PPP2R2C: variants seen among roughly 807,000 people sequenced by gnomAD.
PPP2R2C encodes the protein protein phosphatase 2, regulatory subunit B, gamma.
In PPP2R2C, 10 loss-of-function variants were observed where a neutral mutation model predicts 45.3. The observed-to-expected ratio is 0.22, with a 90% CI of 0.14 to 0.37. The LOEUF is 0.37. PPP2R2C is among the 10% of genes least tolerant of loss of function. PPP2R2C has a pLI of 1.00. For missense variants in PPP2R2C, 308 were observed against 619.7 expected (o/e 0.50, Z 5.34); for synonymous variants, 257 against 245.4 (o/e 1.05, Z -0.44).
At chr4:6,346,211 G>A (rs929649002) in intron 6 of PPP2R2C, among the ~76,000 whole-genome samples, 3 of 152,116 alleles carry the variant, frequency 2.0e-5, no homozygotes, top group African/African-American at 4.8e-5. Context: ...GACCCTCTGC[G>A]GCGTCTCCTC....
At chr4:6,512,437 A>G (rs1470615121) in intron 2 of PPP2R2C, among the ~76,000 whole-genome samples, 74 of 27,512 alleles carry the variant, frequency 2.7e-3, no homozygotes, top group Non-Finnish European at 3.1e-3. Flanking sequence ...GGTGGTGGTG[A>G]TGGTGGCGGT....
At chr4:6,495,868 C>T (rs1479127826) in intron 2 of PPP2R2C, among the ~76,000 whole-genome samples, 1 of 152,164 alleles carries the variant, frequency 6.6e-6, no homozygotes, top group Non-Finnish European at 1.5e-5. Flanking sequence ...GAAACATGTC[C>T]TCTCACAGTT....
At chr4:6,445,713 T>G (rs192495132) in intron 1 of PPP2R2C, among the ~76,000 whole-genome samples, 1 of 152,348 alleles carries the variant, frequency 6.6e-6, no homozygotes, top group Admixed American at 6.5e-5. Context: ...GGAGAGACCC[T>G]GTCTCTAAAT....
intron 1 of PPP2R2C, among the ~76,000 whole-genome samples, chr4:6,430,939 A>C (rs540228232): frequency 0.13 from 985 of 7,312 alleles, 4 homozygotes; most frequent in Non-Finnish European, 0.4. Context: ...AAACAACAAC[A>C]ACAACAAAAA....
At chr4:6,422,615 G>A (rs577070021) in intron 1 of PPP2R2C, among the ~76,000 whole-genome samples, 1 of 152,292 alleles carries the variant, frequency 6.6e-6, no homozygotes, top group African/African-American at 2.4e-5. Context: ...CTCCTGGCTT[G>A]CAGATGGCTG....
chr4:6,544,376 T>C (rs1724907037), intron 1 of PPP2R2C, among the ~76,000 whole-genome samples: 1 of 152,194 alleles, frequency 6.6e-6, no homozygotes. Flanking sequence ...AGGGTCTTGC[T>C]CTGTTGCCCA....
intron 2 of PPP2R2C, among the ~76,000 whole-genome samples, chr4:6,480,704 A>G (rs545245623): frequency 6.6e-6 from 1 of 152,324 alleles, no homozygotes; most frequent in East Asian, 1.9e-4. Flanking sequence ...ACTGAGTCAT[A>G]CTGGTGACAT....
intron 5 of PPP2R2C, chr4:6,348,666 A>C: frequency 1.0e-6 from 1 of 985,408 alleles, no homozygotes; most frequent in Non-Finnish European, 1.2e-6. Context: ...GCTGGGATGC[A>C]GCTTGGTCAC....
intron 6 of PPP2R2C, among the ~76,000 whole-genome samples, chr4:6,337,406 G>A (rs60899534): frequency 0.082 from 12,514 of 151,720 alleles, 1,786 homozygotes; most frequent in African/African-American, 0.29. Context: ...GGACCTGGTG[G>A]CCCCCAGCAC....
chr4:6,347,349 C>A (rs1191828467), intron 6 of PPP2R2C, among the ~76,000 whole-genome samples: 2 of 152,100 alleles, frequency 1.3e-5, no homozygotes, highest in East Asian at 3.9e-4. Flanking sequence ...CCTGTGGGAC[C>A]CCCACAGCAG....
At chr4:6,514,672 G>A (rs1245498508) in intron 2 of PPP2R2C, among the ~76,000 whole-genome samples, 1 of 152,244 alleles carries the variant, frequency 6.6e-6, no homozygotes, top group East Asian at 1.9e-4. Context: ...ACAAGCACAG[G>A]TCAGCTCTGC....
At chr4:6,440,045 C>G (rs1350438423) in intron 1 of PPP2R2C, among the ~76,000 whole-genome samples, 3 of 152,210 alleles carry the variant, frequency 2.0e-5, no homozygotes, top group African/African-American at 7.2e-5. Flanking sequence ...CCCCATCCCT[C>G]CATCACTACA....
At chr4:6,394,003 A>G (rs968338011) in intron 1 of PPP2R2C, among the ~76,000 whole-genome samples, 5 of 152,208 alleles carry the variant, frequency 3.3e-5, no homozygotes, top group South Asian at 2.1e-4. Context: ...AGGGAGACCG[A>G]GAGAAGATCA....
chr4:6,349,791 T>C, intron 5 of PPP2R2C: 1 of 823,316 alleles, frequency 1.2e-6, no homozygotes, highest in Non-Finnish European at 1.5e-6. Flanking sequence ...ATCAGGAGGC[T>C]GAGGCAGGGG....
At chr4:6,532,524 G>C (rs1305014159) in intron 2 of PPP2R2C, among the ~76,000 whole-genome samples, 1 of 152,216 alleles carries the variant, frequency 6.6e-6, no homozygotes, top group East Asian at 1.9e-4. Context: ...TGTCTGGGGA[G>C]GCGCAGGCTC....
chr4:6,362,597 G>A (rs1713880595), intron 5 of PPP2R2C, among the ~76,000 whole-genome samples: 1 of 152,222 alleles, frequency 6.6e-6, no homozygotes, highest in South Asian at 2.1e-4. Flanking sequence ...CAGGCCATCA[G>A]AAGGACACTT....
intron 1 of PPP2R2C, among the ~76,000 whole-genome samples, chr4:6,437,036 G>C (rs988477466): frequency 6.6e-6 from 1 of 152,198 alleles, no homozygotes; most frequent in Admixed American, 6.5e-5. Context: ...TCCAGAAATT[G>C]TAAGAGCTGT....
At chr4:6,442,072 G>A (rs1215612758) in intron 1 of PPP2R2C, among the ~76,000 whole-genome samples, 5 of 152,192 alleles carry the variant, frequency 3.3e-5, no homozygotes, top group East Asian at 3.9e-4. Context: ...AGAGAGGACC[G>A]TCTCACCCTG....
intron 1 of PPP2R2C, among the ~76,000 whole-genome samples, chr4:6,438,998 C>T (rs1720023311): frequency 6.6e-6 from 1 of 152,192 alleles, no homozygotes; most frequent in South Asian, 2.1e-4. Context: ...AGGATCCTTT[C>T]TTATTGAATC....
Sources: allele counts gnomAD v4.1 joint callset (sites outside exome capture counted in the v4.1 genomes callset), GRCh38; gene constraint gnomAD v4.1.1; transcripts MANE v1.5; gene names NCBI Gene and HGNC (gene_info 2026-07-23, HGNC 2026-07-21).